Variants in ERC2 observed in about 807,000 individuals in gnomAD.
ERC2 encodes ELKS/RAB6-interacting/CAST family member 2.
A neutral mutation model predicts 114.8 loss-of-function variants in ERC2; 42 were observed. The observed-to-expected ratio is 0.37, with a 90% CI of 0.29 to 0.47. The LOEUF (loss-of-function observed/expected upper bound fraction) is 0.47. ERC2 is among the 20% of genes least tolerant of loss of function. The pLI, the probability that ERC2 is intolerant of heterozygous loss-of-function variation, is 0.99. For missense variants in ERC2, 939 were observed against 1,150.7 expected (o/e 0.82, Z 2.66); for synonymous variants, 454 against 425.5 (o/e 1.07, Z -0.82).
At chr3:55,840,203 T>A (rs888984734) in intron 14 of ERC2, among the ~76,000 whole-genome samples, 1 of 152,006 alleles carries the variant, frequency 6.6e-6, no homozygotes, top group African/African-American at 2.4e-5. Context: ...GTCCCCACAC[T>A]AGGTGAAAAG....
intron 5 of ERC2, 143 bp downstream of exon 5, chr3:56,148,834 T>A (rs2081277280): frequency 1.4e-6 from 1 of 707,290 alleles, no homozygotes; most frequent in Non-Finnish European, 2.2e-6. Context: ...GAACTAAAAA[T>A]CTTCCGCATT....
At chr3:55,957,422 G>A (rs186182050) in intron 12 of ERC2, among the ~76,000 whole-genome samples, 2 of 152,176 alleles carry the variant, frequency 1.3e-5, no homozygotes, top group Non-Finnish European at 2.9e-5. Flanking sequence ...TAAACCTAAG[G>A]CTCTTAAAAT....
chr3:56,244,809 C>CCATT (rs1345822578), intron 3 of ERC2, among the ~76,000 whole-genome samples: 1 of 152,190 alleles, frequency 6.6e-6, no homozygotes, highest in East Asian at 1.9e-4. Flanking sequence ...CATTCACTCA[C>CCATT]CACTCACTCA....
intron 17 of ERC2, among the ~76,000 whole-genome samples, chr3:55,544,634 G>A (rs1223443273): frequency 1.3e-5 from 2 of 152,148 alleles, no homozygotes; most frequent in Non-Finnish European, 2.9e-5. Context: ...GATCCTCGCT[G>A]GATACTCCTT....
intron 16 of ERC2, among the ~76,000 whole-genome samples, chr3:55,694,469 C>T (rs894509982): frequency 6.6e-6 from 1 of 152,198 alleles, no homozygotes; most frequent in Non-Finnish European, 1.5e-5. Context: ...TGTCTCCATG[C>T]TCCTAAACTC....
chr3:55,865,254 C>T (rs2062245414), intron 14 of ERC2, among the ~76,000 whole-genome samples: 1 of 152,150 alleles, frequency 6.6e-6, no homozygotes, highest in African/African-American at 2.4e-5. Context: ...GAGTGAGTTT[C>T]ACTTCAAGCA....
chr3:55,572,373 T>A (rs568853920), intron 17 of ERC2, among the ~76,000 whole-genome samples: 1 of 152,092 alleles, frequency 6.6e-6, no homozygotes, highest in Non-Finnish European at 1.5e-5. Flanking sequence ...GGAACACCCT[T>A]CCTGGCGGTG....
chr3:55,916,558 T>C (rs2065106830), intron 13 of ERC2, among the ~76,000 whole-genome samples: 1 of 152,180 alleles, frequency 6.6e-6, no homozygotes, highest in Non-Finnish European at 1.5e-5. Context: ...CTCCCACTCA[T>C]CCATGCCTAC....
rs1278190473 is a variant in ERC2, at chr3:56,367,868, T to TAAAAAC, written c.657+66477_657+66482dup. 3.4e-5 allele frequency among the ~76,000 whole-genome samples: 5 copies of TAAAAAC among 145,540 alleles called. No homozygotes were observed. In the East Asian group the frequency reaches 1.0e-3, roughly 29 times the overall value. On this transcript the variant is annotated intron_variant, in intron 2 of 17. Transcript: ENST00000288221. Reference sequence around the variant, plus strand: ...GGGAGGACTGTTTGAGCCCAGGAGTTAAAAACAAAAACAAAAACAAAAAAA... The same window carrying TAAAAAC: ...GGGAGGACTGTTTGAGCCCAGGAGTTAAAAACAAAAACAAAAACAAAAACAAAAAAA...
intron 13 of ERC2, among the ~76,000 whole-genome samples, chr3:55,923,766 C>G (rs2149388324): frequency 6.6e-6 from 1 of 151,844 alleles, no homozygotes; most frequent in East Asian, 2.0e-4. Flanking sequence ...TAGGGAGAAG[C>G]CTCTAGCTTA....
At chr3:55,892,707 C>T (rs1044598133) in intron 13 of ERC2, among the ~76,000 whole-genome samples, 8 of 151,822 alleles carry the variant, frequency 5.3e-5, no homozygotes, top group Non-Finnish European at 1.0e-4. Flanking sequence ...TATTTATGCA[C>T]ATATAATTGA....
At chr3:55,910,132 G>A (rs2064713035) in intron 13 of ERC2, among the ~76,000 whole-genome samples, 2 of 152,154 alleles carry the variant, frequency 1.3e-5, no homozygotes, top group Admixed American at 6.5e-5. Context: ...GCTTACACCT[G>A]TAATCTCAGC....
At chr3:55,714,358 A>G (rs1428823480) in intron 15 of ERC2, among the ~76,000 whole-genome samples, 1 of 152,158 alleles carries the variant, frequency 6.6e-6, no homozygotes, top group Non-Finnish European at 1.5e-5. Flanking sequence ...GGATGAATAC[A>G]AAAGGGTATC....
At chr3:55,987,201 C>T (rs918589367) in intron 11 of ERC2, among the ~76,000 whole-genome samples, 1 of 152,202 alleles carries the variant, frequency 6.6e-6, no homozygotes, top group East Asian at 1.9e-4. Context: ...AAATGCGCAA[C>T]TGATCTAAAA....
chr3:56,162,521 G>A (rs897523547), intron 4 of ERC2, among the ~76,000 whole-genome samples: 7 of 152,082 alleles, frequency 4.6e-5, no homozygotes, highest in Non-Finnish European at 1.0e-4. Flanking sequence ...GCTTTTTTTG[G>A]TTGGTAGGTT....
At chr3:55,711,067 T>C (rs1202434932) in intron 15 of ERC2, among the ~76,000 whole-genome samples, 1 of 152,192 alleles carries the variant, frequency 6.6e-6, no homozygotes. Flanking sequence ...CTCATGTCAT[T>C]GGTTTTGCGT....
At position 55,509,205 on chromosome 3, in the gene ERC2, A is replaced by G. The variant is rs1441751957; in HGVS notation, c.*2111T>C. 1 of 152,594 alleles carries G rather than the reference A, an allele frequency of 6.6e-6. No homozygotes were observed. Among genetic ancestry groups the G allele is most frequent in the African/African-American group, 2.4e-5 (1 of 41,432 alleles). 9.5% of individuals were successfully genotyped at this position (152,594 alleles called of 1,614,324 possible). A position where few individuals can be genotyped will look rare whatever the true frequency, so the allele number is the denominator to read the frequency against. ...GAGCTGTGACAAAATTGGCACATAC[A>G]TAGAAATAGCTAGCTATACATGGGT... On this transcript the variant is annotated 3_prime_UTR_variant, in exon 18 of 18. Transcript: ENST00000288221.
chr3:55,534,395 C>A (rs866392191), intron 17 of ERC2, among the ~76,000 whole-genome samples: 803 of 106,596 alleles, frequency 7.5e-3, no homozygotes, highest in African/African-American at 8.8e-3. Flanking sequence ...GAGACCCTGT[C>A]AAAAAAAAAA....
At chr3:56,409,107 C>G (rs556663273) in intron 2 of ERC2, among the ~76,000 whole-genome samples, 1 of 152,194 alleles carries the variant, frequency 6.6e-6, no homozygotes, top group African/African-American at 2.4e-5. Flanking sequence ...CATGCCTGCT[C>G]GCTCACTGGG....
Sources: allele counts gnomAD v4.1 joint callset (sites outside exome capture counted in the v4.1 genomes callset), GRCh38; gene constraint gnomAD v4.1.1; transcripts MANE v1.5; gene names NCBI Gene and HGNC (gene_info 2026-07-23, HGNC 2026-07-21).